APBA1: variants seen among roughly 807,000 people sequenced by gnomAD.
The protein encoded by APBA1 is amyloid beta precursor protein binding family A member 1, also known as amyloid-beta A4 precursor protein-binding family A member 1.
In APBA1, 55 loss-of-function variants were observed where a neutral mutation model predicts 86.6. The ratio of observed to expected loss-of-function variants is 0.64; its 90% CI spans 0.51 to 0.80. The LOEUF (loss-of-function observed/expected upper bound fraction) is 0.80, where lower values mean the gene tolerates loss of function less well. Ranked by LOEUF, APBA1 falls within the 30% of genes least tolerant of loss-of-function variation. The pLI is 0.00. For missense variants in APBA1, 1,090 were observed against 1,183.0 expected (o/e 0.92, Z 1.15); for synonymous variants, 511 against 493.9 (o/e 1.03, Z -0.46).
rs567187368 is a variant in APBA1 at position 69,542,123 on chromosome 9, G to A, written c.-69-24844C>T. Among the ~76,000 whole-genome samples the A allele has an allele frequency of 5.3e-5, 8 of 151,992 alleles. No homozygotes were observed. The South Asian group carries it at 1.5e-3, about 28-fold the overall frequency. ...ATGACTATGTTCAGAGCAGTTTTAC[G>A]TTCTCAACAAAACTGAACAAAATGT... On this transcript the variant is annotated intron_variant, in intron 1 of 12. Transcript: ENST00000265381.
At chr9:69,610,004 A>G (rs1822553199) in intron 1 of APBA1, among the ~76,000 whole-genome samples, 1 of 152,102 alleles carries the variant, frequency 6.6e-6, no homozygotes, top group Admixed American at 6.5e-5. Flanking sequence ...ATCCGATCTG[A>G]TTATAAGGCC....
In APBA1 at chr9:69,456,309, G is replaced by T. The variant is rs1428581849; in HGVS notation, c.1726C>A (p.His576Asn). The stretch of plus-strand genomic sequence containing the variant: ...TGCCTTTTCCCATCCTGGGATGGGT[G>T]GGACGCTTCCACGTTCTCCTGGGAG... ...SNSQENVEAS[H>N]PSQDGKRQYK... The change falls in exon 8 of 13, where the codon CAC becomes AAC. Residue 576 changes from histidine (H) to asparagine (N), a missense_variant. Around this residue, in one of 6 missense-constraint regions of APBA1, gnomAD observed 103 missense variants for 91.9 expected, o/e 1.12. Transcript: ENST00000265381. 2 of 1,614,086 alleles carry T rather than the reference G, an allele frequency of 1.2e-6. No individual in the cohort carries two copies. The highest frequency in any genetic ancestry group is 1.7e-6 in the Non-Finnish European group (2 of 1,180,038).
At chr9:69,601,367 G>A (rs1822347298) in intron 1 of APBA1, among the ~76,000 whole-genome samples, 1 of 152,106 alleles carries the variant, frequency 6.6e-6, no homozygotes, top group African/African-American at 2.4e-5. Flanking sequence ...CAAGAAAATT[G>A]CCTGAAATAT....
chr9:69,597,254 C>A (rs548601370), intron 1 of APBA1, among the ~76,000 whole-genome samples: 2 of 152,306 alleles, frequency 1.3e-5, no homozygotes, highest in Non-Finnish European at 2.9e-5. Flanking sequence ...ATTTGCATTT[C>A]TCTGATGGCC....
chr9:69,446,680 G>A (rs1004916259), intron 10 of APBA1, among the ~76,000 whole-genome samples: 8 of 152,172 alleles, frequency 5.3e-5, no homozygotes, highest in Non-Finnish European at 7.4e-5. Flanking sequence ...AGGAAGGAGC[G>A]ATTCGCAGGA....
At chr9:69,575,419 A>G (rs1821773780) in intron 1 of APBA1, among the ~76,000 whole-genome samples, 1 of 152,186 alleles carries the variant, frequency 6.6e-6, no homozygotes, top group Admixed American at 6.5e-5. Flanking sequence ...AGCCAACAGA[A>G]CAAAGCTGGA....
intron 1 of APBA1, among the ~76,000 whole-genome samples, chr9:69,626,590 GA>G (rs1323083511): frequency 6.6e-6 from 1 of 151,950 alleles, no homozygotes; most frequent in Non-Finnish European, 1.5e-5. Flanking sequence ...ATATGGAATA[GA>G]AAAAAACAAA....
At chr9:69,463,320 A>C (rs1189465172) in intron 5 of APBA1, 1 of 152,228 alleles carries the variant, frequency 6.6e-6, no homozygotes, top group Non-Finnish European at 1.5e-5. Context: ...AGGAGTCTGC[A>C]CAGCAACAGT....
rs752916129 is a variant in APBA1, at chr9:69,431,397, A to G, written c.2444T>C (p.Ile815Thr). ...CGCGGCTGGCATTGTCTTCATATGA[A>G]TCTGAGGGTAAAGAACACACTTTAG... ...VHILSNAVGE[I>T]HMKTMPAAMY... The change falls in exon 13 of 13, where the codon ATT becomes ACT. Residue 815 changes from isoleucine to threonine, a missense_variant and splice_region_variant. Ile to Thr is a moderately conservative substitution (Grantham distance 89). Coordinates refer to ENST00000265381, the MANE Select transcript of APBA1 (RefSeq NM_001163.4). The G allele has an allele frequency of 6.2e-7, 1 of 1,612,782 alleles. No individual in the cohort carries two copies.
At chr9:69,485,055 A>G (rs1383061847) in intron 2 of APBA1, among the ~76,000 whole-genome samples, 5 of 151,854 alleles carry the variant, frequency 3.3e-5, no homozygotes, top group African/African-American at 1.2e-4. Flanking sequence ...GGCTCAAGCA[A>G]TCCTCCTGCC....
intron 1 of APBA1, among the ~76,000 whole-genome samples, chr9:69,577,175 G>A (rs922190576): frequency 3.9e-5 from 6 of 152,110 alleles, no homozygotes; most frequent in Non-Finnish European, 8.8e-5. Context: ...ATATATTATT[G>A]TTAACTATGG....
At chr9:69,473,212 TTAA>T (rs1191521789) in intron 3 of APBA1, among the ~76,000 whole-genome samples, 1 of 152,170 alleles carries the variant, frequency 6.6e-6, no homozygotes, top group Admixed American at 6.5e-5. Flanking sequence ...GTGCTTTACG[TTAA>T]TTTTATTTTC....
At chr9:69,671,989 G>A (rs1422162193) in intron 1 of APBA1, among the ~76,000 whole-genome samples, 164 bp downstream of exon 1, 1 of 152,156 alleles carries the variant, frequency 6.6e-6, no homozygotes, top group Non-Finnish European at 1.5e-5. Context: ...ATGGTTCCAG[G>A]CACTGCCTCC....
chr9:69,624,705 C>T (rs979779472), intron 1 of APBA1, among the ~76,000 whole-genome samples: 4 of 152,182 alleles, frequency 2.6e-5, no homozygotes, highest in African/African-American at 9.7e-5. Context: ...AACAAATTTA[C>T]AATGGCATGA....
At chr9:69,552,822 T>G (rs1232822362) in intron 1 of APBA1, among the ~76,000 whole-genome samples, 1 of 152,060 alleles carries the variant, frequency 6.6e-6, no homozygotes, top group African/African-American at 2.4e-5. Context: ...ATGTAAACCC[T>G]AGAGAGACTG....
intron 1 of APBA1, among the ~76,000 whole-genome samples, chr9:69,547,245 C>T (rs1448107469): frequency 1.3e-5 from 2 of 152,158 alleles, no homozygotes; most frequent in Non-Finnish European, 2.9e-5. Context: ...AATACTGTTA[C>T]GGAACAACTC....
intron 2 of APBA1, among the ~76,000 whole-genome samples, chr9:69,506,618 CACAG>C (rs1835972074): frequency 7.7e-5 from 1 of 12,916 alleles, no homozygotes; most frequent in Admixed American, 6.9e-4. Context: ...GGGGGCAGGG[CACAG>C]ACAAACAAAA....
intron 1 of APBA1, among the ~76,000 whole-genome samples, chr9:69,541,629 T>G (rs1306080778): frequency 1.3e-5 from 2 of 151,916 alleles, no homozygotes; most frequent in Admixed American, 1.3e-4. Context: ...AATCTCTATT[T>G]TAAAAGAACT....
intron 1 of APBA1, among the ~76,000 whole-genome samples, chr9:69,635,161 C>T (rs2134001926): frequency 6.6e-6 from 1 of 152,142 alleles, no homozygotes; most frequent in East Asian, 1.9e-4. Flanking sequence ...ACTATAACAA[C>T]TTTTCAAGAC....
Sources: gnomAD v4.1 joint callset for allele counts (sites outside exome capture counted in the v4.1 genomes callset) on GRCh38, gnomAD v4.1.1 for gene constraint, gnomAD v4.1.1 regional missense constraint, MANE v1.5 for transcripts, NCBI Gene and HGNC (gene_info 2026-07-23, HGNC 2026-07-21) for gene names.